FBXL7: variants seen among roughly 807,000 people sequenced by gnomAD.
FBXL7 encodes F-box/LRR-repeat protein 7.
A neutral mutation model predicts 38.3 loss-of-function variants in FBXL7; 12 were observed. The ratio of observed to expected loss-of-function variants is 0.31; its 90% CI spans 0.20 to 0.51. The LOEUF (loss-of-function observed/expected upper bound fraction) is 0.51, where lower values mean the gene tolerates loss of function less well. FBXL7 is among the 20% of genes least tolerant of loss of function. The pLI, the probability that FBXL7 is intolerant of heterozygous loss-of-function variation, is 0.98. For synonymous variants in FBXL7, 297 were observed against 300.9 expected, an observed-to-expected ratio of 0.99 and a Z score of 0.13; for missense variants, 567 against 676.4, an observed-to-expected ratio of 0.84 and a Z score of 1.79.
At chr5:15,518,668 G>T (rs1015709365) in intron 1 of FBXL7, among the ~76,000 whole-genome samples, 1 of 152,040 alleles carries the variant, frequency 6.6e-6, no homozygotes, top group Non-Finnish European at 1.5e-5. Flanking sequence ...TGGGCAATTG[G>T]GTGCCACATT....
chr5:15,918,565 A>G (rs934483839), intron 2 of FBXL7, among the ~76,000 whole-genome samples: 3 of 152,228 alleles, frequency 2.0e-5, no homozygotes, highest in African/African-American at 7.2e-5. Context: ...CTAAAGGAAA[A>G]ACAAAACCCA....
chr5:15,523,031 T>C lies in FBXL7; in HGVS notation c.37+22318T>C, dbSNP rs568896249. Among the ~76,000 whole-genome samples, 6 of 152,362 alleles carry C rather than the reference T, an allele frequency of 3.9e-5. No homozygotes were observed. The East Asian group carries it at 1.2e-3, about 29-fold the overall frequency. On this transcript the variant is annotated intron_variant, in intron 1 of 3. Transcript: ENST00000504595. ...GTTATGTGTAAATGAAATTTAACTTTGCATTCTCCAGGACACTGGCTACAT... is the reference window on the plus strand; with the variant it reads ...GTTATGTGTAAATGAAATTTAACTTCGCATTCTCCAGGACACTGGCTACAT...
At chr5:15,701,873 G>A (rs1743534711) in intron 2 of FBXL7, among the ~76,000 whole-genome samples, 1 of 152,126 alleles carries the variant, frequency 6.6e-6, no homozygotes, top group Non-Finnish European at 1.5e-5. Context: ...TGCTAAAGAT[G>A]ACTGTAAAGT....
chr5:15,872,123 G>A (rs1265011507), intron 2 of FBXL7, among the ~76,000 whole-genome samples: 2 of 152,080 alleles, frequency 1.3e-5, no homozygotes, highest in Non-Finnish European at 2.9e-5. Context: ...AGACAGTGGG[G>A]GACAATATTC....
intron 2 of FBXL7, among the ~76,000 whole-genome samples, chr5:15,901,085 A>T (rs1297918659): frequency 6.6e-6 from 1 of 152,222 alleles, no homozygotes; most frequent in Admixed American, 6.5e-5. Context: ...TGGCTACCCC[A>T]ATTTCTAAAA....
intron 2 of FBXL7, among the ~76,000 whole-genome samples, chr5:15,920,456 T>A (rs1219972081): frequency 2.0e-5 from 3 of 152,170 alleles, no homozygotes; most frequent in African/African-American, 7.2e-5. Context: ...TCTATTGCTG[T>A]ATATTCCTTG....
At chr5:15,845,618 A>G (rs998693758) in intron 2 of FBXL7, among the ~76,000 whole-genome samples, 13 of 152,222 alleles carry the variant, frequency 8.5e-5, no homozygotes, top group Middle Eastern at 3.2e-3. Context: ...TAAACATTAT[A>G]TCATTACTTA....
chr5:15,613,353 G>A (rs1482085012), intron 1 of FBXL7, among the ~76,000 whole-genome samples: 1 of 152,186 alleles, frequency 6.6e-6, no homozygotes, highest in African/African-American at 2.4e-5. Context: ...CTAACCAGGT[G>A]CCCAGTCTGC....
intron 1 of FBXL7, among the ~76,000 whole-genome samples, chr5:15,524,859 A>C (rs1261926141): frequency 6.6e-6 from 1 of 152,130 alleles, no homozygotes; most frequent in Non-Finnish European, 1.5e-5. Flanking sequence ...CTGAAGGAAC[A>C]AGGAGTGGCC....
At chr5:15,749,069 AC>A (rs1736087091) in intron 2 of FBXL7, among the ~76,000 whole-genome samples, 1 of 151,624 alleles carries the variant, frequency 6.6e-6, no homozygotes, top group Admixed American at 6.6e-5. Flanking sequence ...ACATGCTGAA[AC>A]CCTGTCTCTA....
intron 1 of FBXL7, among the ~76,000 whole-genome samples, chr5:15,579,605 C>T (rs1483034810): frequency 6.6e-6 from 1 of 152,110 alleles, no homozygotes; most frequent in Non-Finnish European, 1.5e-5. Context: ...GTTACTTTTG[C>T]CACATTCCAG....
At chr5:15,794,098 G>A (rs778734582) in intron 2 of FBXL7, among the ~76,000 whole-genome samples, 32 of 152,166 alleles carry the variant, frequency 2.1e-4, no homozygotes, top group Non-Finnish European at 4.3e-4. Context: ...AAGCATATTT[G>A]CATCTTAGCA....
chr5:15,588,472 T>C (rs539339310), intron 1 of FBXL7, among the ~76,000 whole-genome samples: 99 of 151,652 alleles, frequency 6.5e-4, no homozygotes, highest in African/African-American at 2.3e-3. Flanking sequence ...CTGCAACCTC[T>C]GCCTCCCAGG....
intron 2 of FBXL7, among the ~76,000 whole-genome samples, chr5:15,824,727 C>G (rs1738265074): frequency 6.6e-6 from 1 of 152,150 alleles, no homozygotes; most frequent in African/African-American, 2.4e-5. Flanking sequence ...GTCTCACCCA[C>G]TGAGTCATGT....
intron 2 of FBXL7, among the ~76,000 whole-genome samples, chr5:15,799,356 C>CTTTTTT (rs34953272): frequency 1.4e-4 from 13 of 90,894 alleles, no homozygotes; most frequent in Non-Finnish European, 2.0e-4. Context: ...AAACCCCTCC[C>CTTTTTT]TTTTTTTTTT....
intron 2 of FBXL7, among the ~76,000 whole-genome samples, chr5:15,846,074 T>C (rs1268633207): frequency 6.6e-6 from 1 of 152,272 alleles, no homozygotes; most frequent in Non-Finnish European, 1.5e-5. Context: ...TGGATATATC[T>C]TGGCATGTGC....
chr5:15,901,953 T>G (rs1159877882), intron 2 of FBXL7, among the ~76,000 whole-genome samples: 1 of 152,224 alleles, frequency 6.6e-6, no homozygotes, highest in Non-Finnish European at 1.5e-5. Flanking sequence ...CTTGCATTGT[T>G]CAGACTAGCA....
At chr5:15,752,637 A>G (rs1736183920) in intron 2 of FBXL7, among the ~76,000 whole-genome samples, 1 of 152,216 alleles carries the variant, frequency 6.6e-6, no homozygotes, top group Non-Finnish European at 1.5e-5. Context: ...AAGTCCAGAA[A>G]CAATATGCAT....
chr5:15,566,758 T>A (rs1380457268), intron 1 of FBXL7, among the ~76,000 whole-genome samples: 6 of 152,222 alleles, frequency 3.9e-5, no homozygotes, highest in Non-Finnish European at 7.3e-5. Context: ...ACAGACTTCT[T>A]AACCTGAGTT....
Sources: gnomAD v4.1 joint callset for allele counts (sites outside exome capture counted in the v4.1 genomes callset) on GRCh38, gnomAD v4.1.1 for gene constraint, MANE v1.5 for transcripts, NCBI Gene and HGNC (gene_info 2026-07-23, HGNC 2026-07-21) for gene names.